Variants in CHCHD3 observed in about 807,000 individuals in gnomAD.
CHCHD3 encodes coiled-coil-helix-coiled-coil-helix domain containing 3.
Under a neutral mutation model 38.2 loss-of-function variants are expected in CHCHD3, and 20 were observed. The observed-to-expected ratio is 0.52, with a 90% CI of 0.37 to 0.76. The LOEUF is 0.76. Among genes scored for constraint, CHCHD3 ranks in the 30% least tolerant of loss-of-function variants. The pLI is 0.00. For synonymous variants in CHCHD3, 82 were observed against 100.0 expected (o/e 0.82, Z 1.07); for missense variants, 245 against 279.2 (o/e 0.88, Z 0.87).
rs143522600 is a variant in CHCHD3 at position 132,942,063 on chromosome 7, T to A, written c.369+33106A>T. 4.1e-3 allele frequency among the ~76,000 whole-genome samples: 628 copies of A among 152,276 alleles called. 7 individuals are homozygous for A. The highest frequency in any genetic ancestry group is 0.014 in the African/African-American group (587 of 41,558). On this transcript the variant is annotated intron_variant, in intron 4 of 7. Transcript: ENST00000262570. Reference sequence around the variant, plus strand: ...AGTAGAGCTAGAAAGCAAATCACTCTAAGTCACGTGACTTCCTGAACTATC... The same window carrying A: ...AGTAGAGCTAGAAAGCAAATCACTCAAAGTCACGTGACTTCCTGAACTATC...
At chr7:132,913,201 G>T (rs1810000084) in intron 4 of CHCHD3, among the ~76,000 whole-genome samples, 1 of 152,146 alleles carries the variant, frequency 6.6e-6, no homozygotes, top group Non-Finnish European at 1.5e-5. Flanking sequence ...CAAAAATGTG[G>T]CTATCCCCCA....
chr7:132,850,450 GTT>G lies in CHCHD3; in HGVS notation c.454-11983_454-11982del, dbSNP rs75016148. On this transcript the variant is annotated intron_variant, in intron 5 of 7. Coordinates refer to ENST00000262570, the MANE Select transcript of CHCHD3 (RefSeq NM_017812.4). ...ATTAGAGTCTCAGGTTTTTTTTTTT[GTT>G]TTTTTTTTTTTTCTTGATTTGGTTT... is the stretch of plus-strand genomic sequence containing the variant. Among the ~76,000 whole-genome samples, 727 of 132,944 alleles carry G rather than the reference GTT, an allele frequency of 5.5e-3. 4 individuals are homozygous for G. The highest frequency in any genetic ancestry group is 8.0e-3 in the Non-Finnish European group (496 of 62,386). 87.2% of individuals were successfully genotyped at this position (132,944 alleles called of 152,430 possible). A position where few individuals can be genotyped will look rare whatever the true frequency, so the allele number is the denominator to read the frequency against.
intron 1 of CHCHD3, among the ~76,000 whole-genome samples, chr7:133,074,090 T>C (rs187843653): frequency 2.5e-4 from 38 of 152,310 alleles, no homozygotes; most frequent in African/African-American, 8.9e-4. Flanking sequence ...AAACTTCCAA[T>C]ACAGTCTCAA....
At chr7:132,957,900 G>C (rs1215158285) in intron 4 of CHCHD3, among the ~76,000 whole-genome samples, 1 of 152,182 alleles carries the variant, frequency 6.6e-6, no homozygotes, top group African/African-American at 2.4e-5. Flanking sequence ...TACTCTGGAT[G>C]AACTTAGTAT....
At chr7:132,953,977 T>C (rs1032885204) in intron 4 of CHCHD3, among the ~76,000 whole-genome samples, 2 of 152,152 alleles carry the variant, frequency 1.3e-5, no homozygotes, top group Admixed American at 6.5e-5. Flanking sequence ...TGGAGAAGAT[T>C]GTGATCATTT....
chr7:132,804,389 T>C (rs943906961), intron 6 of CHCHD3, among the ~76,000 whole-genome samples: 4 of 152,166 alleles, frequency 2.6e-5, no homozygotes, highest in Non-Finnish European at 5.9e-5. Flanking sequence ...GTGATTATAA[T>C]TTTTCACAAA....
At chr7:133,018,220 A>G (rs1241577201) in intron 3 of CHCHD3, among the ~76,000 whole-genome samples, 1 of 152,204 alleles carries the variant, frequency 6.6e-6, no homozygotes, top group Non-Finnish European at 1.5e-5. Flanking sequence ...ATGCCAACAA[A>G]CCATCTACTA....
chr7:133,064,878 T>C (rs1046631440), intron 2 of CHCHD3, among the ~76,000 whole-genome samples: 7 of 152,204 alleles, frequency 4.6e-5, no homozygotes, highest in African/African-American at 1.7e-4. Flanking sequence ...TAATATCATT[T>C]CCTGTCTGTT....
intron 4 of CHCHD3, among the ~76,000 whole-genome samples, chr7:132,891,474 T>C (rs1406777287): frequency 6.6e-6 from 1 of 152,232 alleles, no homozygotes; most frequent in Non-Finnish European, 1.5e-5. Flanking sequence ...AAAAGCCCAT[T>C]CTTCCAATAG....
intron 4 of CHCHD3, among the ~76,000 whole-genome samples, chr7:132,957,964 C>T (rs528717072): frequency 3.3e-5 from 5 of 152,220 alleles, no homozygotes; most frequent in African/African-American, 9.6e-5. Context: ...CACAGACTTA[C>T]GAATCAACCA....
At chr7:133,034,283 T>C (rs921262299) in intron 2 of CHCHD3, among the ~76,000 whole-genome samples, 2 of 152,138 alleles carry the variant, frequency 1.3e-5, no homozygotes, top group Non-Finnish European at 1.5e-5. Context: ...CTTATAATAA[T>C]TCACAGAGAT....
At chr7:132,895,026 G>A (rs1233324272) in intron 4 of CHCHD3, among the ~76,000 whole-genome samples, 1 of 152,164 alleles carries the variant, frequency 6.6e-6, no homozygotes, top group Non-Finnish European at 1.5e-5. Context: ...CTGGAAATGG[G>A]ATTTTATTGG....
intron 2 of CHCHD3, among the ~76,000 whole-genome samples, chr7:133,046,855 A>T (rs10238562): frequency 1.3e-5 from 2 of 151,908 alleles, no homozygotes; most frequent in South Asian, 2.1e-4. Flanking sequence ...GAGCCACCGC[A>T]CCCGGCCATA....
intron 4 of CHCHD3, among the ~76,000 whole-genome samples, chr7:132,903,322 G>A (rs1014692348): frequency 1.0e-4 from 15 of 148,672 alleles, no homozygotes; most frequent in Non-Finnish European, 2.3e-4. Context: ...ATTCTTTTTA[G>A]TTGTTATATT....
At chr7:132,957,230 A>G (rs1358356961) in intron 4 of CHCHD3, among the ~76,000 whole-genome samples, 1 of 152,210 alleles carries the variant, frequency 6.6e-6, no homozygotes, top group Non-Finnish European at 1.5e-5. Context: ...GAGATTAGAT[A>G]GGGTGATTAC....
chr7:132,800,364 T>C (rs1335358960), intron 6 of CHCHD3, among the ~76,000 whole-genome samples: 5 of 152,204 alleles, frequency 3.3e-5, no homozygotes, highest in Admixed American at 2.0e-4. Context: ...AGTCCCCTCT[T>C]AAGACTCTAT....
chr7:133,008,536 C>T (rs1049455272), intron 3 of CHCHD3, among the ~76,000 whole-genome samples: 1 of 152,032 alleles, frequency 6.6e-6, no homozygotes. Context: ...CCCTTTGCCA[C>T]CTTCATAACA....
chr7:132,794,563 A>G (rs1209805058), intron 7 of CHCHD3, among the ~76,000 whole-genome samples: 1 of 152,162 alleles, frequency 6.6e-6, no homozygotes, highest in Non-Finnish European at 1.5e-5. Context: ...GAGGGCTTCT[A>G]TCTTTTTATT....
At chr7:133,001,281 C>G (rs900587670) in intron 3 of CHCHD3, among the ~76,000 whole-genome samples, 3 of 152,186 alleles carry the variant, frequency 2.0e-5, no homozygotes, top group African/African-American at 7.2e-5. Flanking sequence ...CCCTCCGGAT[C>G]TCCTTTCAGA....
Sources: allele counts gnomAD v4.1 joint callset (sites outside exome capture counted in the v4.1 genomes callset), GRCh38; gene constraint gnomAD v4.1.1; transcripts MANE v1.5; gene names NCBI Gene and HGNC (gene_info 2026-07-23, HGNC 2026-07-21).